The following FAM193B variants were observed in gnomAD, a reference collection of about 807,000 sequenced individuals.
FAM193B encodes family with sequence similarity 193 member B.
In FAM193B, 27 loss-of-function variants were observed where a neutral mutation model predicts 70.7. The observed-to-expected ratio is 0.38, with a 90% CI of 0.28 to 0.53. FAM193B has a LOEUF of 0.53. FAM193B is among the 20% of genes least tolerant of loss of function. The pLI, the probability that FAM193B is intolerant of heterozygous loss-of-function variation, is 0.81. For synonymous variants in FAM193B, 448 were observed against 436.0 expected (o/e 1.03, Z -0.34); for missense variants, 1,022 against 1,072.5 (o/e 0.95, Z 0.66).
At position 177,525,090 on chromosome 5, in the gene FAM193B, A is replaced by G. The variant is rs1164758280; in HGVS notation, c.1391T>C (p.Leu464Pro). ...ERLLEWPDRELDRVNSFLSSR... is the reference protein window; with the variant it reads ...ERLLEWPDREPDRVNSFLSSR... ...GCTCAGGAAGCTGTTGACCCGATCC[A>G]GTTCCCGGTCGGGCCACTCCAAGAG... is the stretch of plus-strand genomic sequence containing the variant. Residue 464 changes from leucine (L) to proline (P), a missense_variant, in exon 6 of 9, where the codon CTG becomes CCG. Leu to Pro is a moderately conservative substitution (Grantham distance 98). Coordinates refer to ENST00000514747, the MANE Select transcript of FAM193B (RefSeq NM_001190946.3). The G allele has an allele frequency of 1.3e-6, 2 of 1,593,674 alleles. No homozygotes were observed. Among genetic ancestry groups the G allele is most frequent in the South Asian group, 1.1e-5 (1 of 88,688 alleles).
intron 1 of FAM193B, among the ~76,000 whole-genome samples, chr5:177,542,054 T>A (rs1764921920): frequency 6.6e-6 from 1 of 152,240 alleles, no homozygotes; most frequent in Non-Finnish European, 1.5e-5. Flanking sequence ...AATCCACAGA[T>A]GTGGAGGAAT....
intron 1 of FAM193B, among the ~76,000 whole-genome samples, chr5:177,549,509 A>G (rs539190697): frequency 6.6e-6 from 1 of 152,318 alleles, no homozygotes; most frequent in East Asian, 1.9e-4. Flanking sequence ...GTCATTTTAT[A>G]CATGAGAAAA....
Position 177,524,188 on chromosome 5 carries a change from A to C in FAM193B, c.2293T>G (p.Leu765Val). ...RNKQEKPASS[L>V]DDVFLPKDMD... ...GCTCAGTTCCTGGTGCACTCACCCA[A>C]GGAGGAGGCTGGCTTCTCCTGCTTG... The change falls in exon 6 of 9, where the codon TTG becomes GTG. Residue 765 changes from leucine to valine, a missense_variant. Leu to Val is a conservative substitution (Grantham distance 32). Coordinates refer to ENST00000514747, the MANE Select transcript of FAM193B (RefSeq NM_001190946.3). The C allele has an allele frequency of 6.4e-7, 1 of 1,564,320 alleles. No individual in the cohort carries two copies. Among genetic ancestry groups the C allele is most frequent in the African/African-American group, 1.4e-5 (1 of 73,620 alleles).
At position 177,554,357 on chromosome 5, in the gene FAM193B, C is replaced by A; in HGVS notation, c.102G>T (p.Pro34=). The A allele has an allele frequency of 1.6e-6, 2 of 1,223,834 alleles. No homozygotes were observed. Among genetic ancestry groups the A allele is most frequent in the Non-Finnish European group, 2.0e-6 (2 of 982,460 alleles). The allele number at this position is 1,223,834 out of a possible 1,614,324, so 75.8% of individuals were successfully genotyped here. Residue 34 remains proline (P), a synonymous_variant, in exon 1 of 9, where the codon CCG becomes CCT. Transcript: ENST00000514747. The part of the protein sequence containing the change: ...QKPQAPEPPP[P]PSLEAGAGAG... Reference sequence around the variant, plus strand: ...CACCCGCTCCCGCCTCCAGGCTTGGCGGCGGCGGGGGCTCGGGCGCCTGGG... The same window carrying A: ...CACCCGCTCCCGCCTCCAGGCTTGGAGGCGGCGGGGGCTCGGGCGCCTGGG...
rs372016990 is a variant in FAM193B, at chr5:177,524,782, A to C, written c.1699T>G (p.Trp567Gly). 3 of 1,518,856 alleles carry C rather than the reference A, an allele frequency of 2.0e-6. No individual in the cohort carries two copies. The highest frequency in any genetic ancestry group is 2.3e-5 in the Admixed American group (1 of 44,170). The allele number at this position is 1,518,856 out of a possible 1,614,324, so 94.1% of individuals were successfully genotyped here. Residue 567 changes from tryptophan to glycine, a missense_variant, in exon 6 of 9, where the codon TGG becomes GGG. Transcript: ENST00000514747. ...WAEMRGPHPP[W>G]TEVRGPPPGI... The stretch of plus-strand genomic sequence containing the variant: ...GGAGGGGGCCCCCTCACCTCTGTCC[A>C]TGGTGGGTGGGGGCCTCTCATTTCT...
intron 3 of FAM193B, among the ~76,000 whole-genome samples, chr5:177,537,059 T>G (rs1029981317): frequency 6.6e-6 from 1 of 152,162 alleles, no homozygotes; most frequent in East Asian, 1.9e-4. Context: ...ACACAGGTGC[T>G]CCTCAGGCCT....
intron 1 of FAM193B, among the ~76,000 whole-genome samples, chr5:177,544,463 T>C (rs1446647348): frequency 1.3e-5 from 2 of 152,238 alleles, no homozygotes; most frequent in Non-Finnish European, 2.9e-5. Flanking sequence ...GACTTGGGTA[T>C]TGGCAGACAT....
chr5:177,553,983 G>C lies in FAM193B; in HGVS notation c.210+266C>G, dbSNP rs1462399436. The C allele has an allele frequency of 2.6e-5, 33 of 1,265,972 alleles. No homozygotes were observed. The Admixed American group carries it at 1.1e-3, about 42-fold the overall frequency. 78.4% of individuals were successfully genotyped at this position (1,265,972 alleles called of 1,614,324 possible). On this transcript the variant is annotated intron_variant, in intron 1 of 8. Coordinates refer to ENST00000514747, the MANE Select transcript of FAM193B (RefSeq NM_001190946.3). ...CAGTCCCAGTCCCAGTCCCAGTGTG[G>C]GTGTACGGCCGGAACGCCCGGAGGC... is the stretch of plus-strand genomic sequence containing the variant.
At position 177,536,481 on chromosome 5, in the gene FAM193B, G is replaced by A. The variant is rs776075406; in HGVS notation, c.953C>T (p.Pro318Leu). The A allele has an allele frequency of 8.9e-6, 14 of 1,579,918 alleles. No homozygotes were observed. In the East Asian group the frequency reaches 1.4e-4, roughly 16 times the overall value. The change falls in exon 4 of 9, where the codon CCG (proline) becomes CTG (leucine). Residue 318 changes from proline (P) to leucine (L), a missense_variant. Pro to Leu is a moderately conservative substitution (Grantham distance 98). Transcript: ENST00000514747. ...GAATGGTGGGGGCATCTTCAGGAGC[G>A]GCATGCTGGTGGAGGGTAGATGGGA... ...QSSHLPSTSM[P>L]LLKMPPPFSG...
chr5:177,540,327 A>G (rs1007892432), intron 1 of FAM193B, among the ~76,000 whole-genome samples: 2 of 149,832 alleles, frequency 1.3e-5, no homozygotes, highest in Non-Finnish European at 3.0e-5. Context: ...AAAAAAAAAG[A>G]AAAACAAATA....
intron 1 of FAM193B, 51 bp from the exon 2 acceptor site, chr5:177,539,198 CA>C: frequency 6.7e-7 from 1 of 1,490,342 alleles, no homozygotes; most frequent in Non-Finnish European, 8.9e-7. Flanking sequence ...GGCTCTCCTT[CA>C]AAATAATAGT....
chr5:177,553,496 CCTCCCGTTAT>C, intron 1 of FAM193B: 1 of 1,117,580 alleles, frequency 8.9e-7, no homozygotes, highest in Non-Finnish European at 1.1e-6. Context: ...TGGCAGGGTA[CCTCCCGTTAT>C]CTCCTTTGCT....
At chr5:177,523,628 G>C (rs1762111772) in intron 7 of FAM193B, among the ~76,000 whole-genome samples, 1 of 152,254 alleles carries the variant, frequency 6.6e-6, no homozygotes, top group African/African-American at 2.4e-5. Flanking sequence ...TCCTGGTCTA[G>C]ACTGCTTCAT....
chr5:177,553,959 A>G, intron 1 of FAM193B: 2 of 1,243,206 alleles, frequency 1.6e-6, no homozygotes, highest in Non-Finnish European at 2.0e-6. Flanking sequence ...ATCACAGCCC[A>G]GTCCCAGTCC....
chr5:177,536,529 T>TG lies in FAM193B; in HGVS notation c.904dup (p.His302ProfsTer55), dbSNP rs1197183812. 1 of 1,515,178 alleles carries TG rather than the reference T, an allele frequency of 6.6e-7. No homozygotes were observed. The highest frequency in any genetic ancestry group is 8.8e-7 in the Non-Finnish European group (1 of 1,140,754). 93.9% of individuals were successfully genotyped at this position (1,515,178 alleles called of 1,614,324 possible). A position where few individuals can be genotyped will look rare whatever the true frequency, so the allele number is the denominator to read the frequency against. ...GGAGCTCTGACATGGCCCTGGAGTG[T>TG]GGGGGGCAGTGGCAGCAGCAACAGG... On this transcript the variant is annotated frameshift_variant, in exon 4 of 9. Coordinates refer to ENST00000514747, the MANE Select transcript of FAM193B (RefSeq NM_001190946.3). LOFTEE classifies it high-confidence loss of function.
At position 177,536,481 on chromosome 5, in the gene FAM193B, G is replaced by C; in HGVS notation, c.953C>G (p.Pro318Arg). ...GAATGGTGGGGGCATCTTCAGGAGC[G>C]GCATGCTGGTGGAGGGTAGATGGGA... ...QSSHLPSTSM[P>R]LLKMPPPFSG... The change falls in exon 4 of 9, where the codon CCG becomes CGG. Residue 318 changes from proline (P) to arginine (R), a missense_variant. Pro to Arg is a moderately radical substitution (Grantham distance 103, BLOSUM62 -2). Transcript: ENST00000514747. The C allele has an allele frequency of 1.9e-6, 3 of 1,580,036 alleles. No homozygotes were observed. In the East Asian group the frequency reaches 6.9e-5, roughly 36 times the overall value.
chr5:177,531,910 T>A (rs1280050305), intron 5 of FAM193B: 1 of 1,209,072 alleles, frequency 8.3e-7, no homozygotes, highest in Non-Finnish European at 1.0e-6. Context: ...ATTTCTTCTA[T>A]CCTCAGCTGC....
intron 1 of FAM193B, among the ~76,000 whole-genome samples, chr5:177,548,055 ATAAAG>A (rs1184455574): frequency 2.0e-5 from 3 of 152,168 alleles, no homozygotes; most frequent in Non-Finnish European, 4.4e-5. Flanking sequence ...GACCAAATAC[ATAAAG>A]TAGTCACACC....
chr5:177,539,139 G>T lies in FAM193B; in HGVS notation c.219C>A (p.Pro73=), dbSNP rs767547329. The part of the protein sequence containing the change: ...PNLVPGPQVP[P]ASSQPVQTCC... ...AAGTCTGCACAGGCTGGCTGGAGGC[G>T]GGGGGGACCTGTCCAACAGACAGAA... Residue 73 remains proline (P), a synonymous_variant, in exon 2 of 9, where the codon CCC becomes CCA. Transcript: ENST00000514747. The T allele has an allele frequency of 5.1e-6, 8 of 1,565,102 alleles. No homozygotes were observed. Among genetic ancestry groups the T allele is most frequent in the Middle Eastern group, 1.7e-4 (1 of 6,002 alleles).
Sources: gnomAD v4.1 joint callset for allele counts (sites outside exome capture counted in the v4.1 genomes callset) on GRCh38, gnomAD v4.1.1 for gene constraint, MANE v1.5 for transcripts, NCBI Gene and HGNC (gene_info 2026-07-23, HGNC 2026-07-21) for gene names.